THSD4: variants seen among roughly 807,000 people sequenced by gnomAD.
THSD4 encodes thrombospondin type 1 domain containing 4.
A neutral mutation model predicts 119.0 loss-of-function variants in THSD4; 69 were observed. The ratio of observed to expected loss-of-function variants is 0.58; its 90% CI spans 0.48 to 0.71. The LOEUF (loss-of-function observed/expected upper bound fraction) is 0.71. Ranked by LOEUF, THSD4 falls within the 30% of genes least tolerant of loss-of-function variation. The probability of loss-of-function intolerance (pLI) is 0.00; values close to 1 mark genes in which losing one functional copy is unlikely to be tolerated. For missense variants in THSD4, 1,393 were observed against 1,391.1 expected (o/e 1.00, Z -0.02); for synonymous variants, 524 against 540.4 (o/e 0.97, Z 0.42).
chr15:71,682,372 C>T (rs1169053244), intron 8 of THSD4, among the ~76,000 whole-genome samples: 1 of 152,192 alleles, frequency 6.6e-6, no homozygotes, highest in African/African-American at 2.4e-5. Context: ...TGAACACAGT[C>T]ACGTCACTAG....
At chr15:71,438,371 C>T (rs1333795782) in intron 7 of THSD4, among the ~76,000 whole-genome samples, 1 of 151,992 alleles carries the variant, frequency 6.6e-6, no homozygotes, top group African/African-American at 2.4e-5. Flanking sequence ...TTTTAAATGG[C>T]AAATTTAGCA....
intron 4 of THSD4, among the ~76,000 whole-genome samples, chr15:71,229,515 G>A (rs949450664): frequency 1.3e-5 from 2 of 152,128 alleles, no homozygotes; most frequent in African/African-American, 4.8e-5. Context: ...CTGATACAAT[G>A]TAAATACTTT....
intron 7 of THSD4, among the ~76,000 whole-genome samples, chr15:71,413,302 C>T (rs2046715086): frequency 6.6e-6 from 1 of 152,188 alleles, no homozygotes; most frequent in South Asian, 2.1e-4. Flanking sequence ...CGTGAGCCAC[C>T]GCACCCAGCT....
intron 8 of THSD4, among the ~76,000 whole-genome samples, chr15:71,713,923 C>T (rs112193703): frequency 1.6e-4 from 24 of 152,228 alleles, no homozygotes; most frequent in African/African-American, 5.5e-4. Flanking sequence ...AGCTGACTGT[C>T]CAGTTGCCCC....
chr15:71,732,611 GTTC>G (rs1484148926), intron 10 of THSD4: 1 of 152,212 alleles, frequency 6.6e-6, no homozygotes, highest in Non-Finnish European at 1.5e-5. Flanking sequence ...GCGTAGATTA[GTTC>G]TTTGAATTCT....
chr15:71,364,264 T>C (rs889869166), intron 6 of THSD4, among the ~76,000 whole-genome samples: 2 of 152,222 alleles, frequency 1.3e-5, no homozygotes, highest in Non-Finnish European at 2.9e-5. Context: ...CCATCGTTCT[T>C]GCAACACTGG....
intron 7 of THSD4, among the ~76,000 whole-genome samples, chr15:71,496,497 C>T (rs1382721604): frequency 6.6e-6 from 1 of 152,200 alleles, no homozygotes; most frequent in African/African-American, 2.4e-5. Flanking sequence ...TCCAGGTTGC[C>T]TCCAGGCCCA....
In THSD4 at chr15:71,588,260, C is replaced by T. The variant is rs375290679; in HGVS notation, c.1153-72270C>T. The stretch of plus-strand genomic sequence containing the variant: ...GGCGGAGCTTGCAGTGAGCCGAGAT[C>T]GCGCCACTGCACTCCAGCCTGGGCG... On this transcript the variant is annotated intron_variant, in intron 7 of 17. Transcript: ENST00000261862. Among the ~76,000 whole-genome samples, 743 of 145,286 alleles carry T rather than the reference C, an allele frequency of 5.1e-3. 9 individuals are homozygous for T. The highest frequency in any genetic ancestry group is 0.018 in the African/African-American group (706 of 39,298).
chr15:71,571,434 G>C (rs1040786484), intron 7 of THSD4, among the ~76,000 whole-genome samples: 3 of 152,072 alleles, frequency 2.0e-5, no homozygotes, highest in Non-Finnish European at 4.4e-5. Context: ...GAATAAAACA[G>C]AAATGTTTAG....
At chr15:71,547,337 C>A (rs1206314127) in intron 7 of THSD4, 2 of 1,542,888 alleles carry the variant, frequency 1.3e-6, no homozygotes, top group East Asian at 2.5e-5. Context: ...TCCCGAGACA[C>A]AAGTGCATCT....
At chr15:71,377,867 A>AACACACACACACACACACACACAC (rs376497737) in intron 6 of THSD4, among the ~76,000 whole-genome samples, 89 of 86,322 alleles carry the variant, frequency 1.0e-3, no homozygotes, top group African/African-American at 3.6e-3. Context: ...ACATATCCAC[A>AACACACACACACACACACACACAC]ACACACACAC....
At chr15:71,227,890 A>G (rs1368672102) in intron 4 of THSD4, among the ~76,000 whole-genome samples, 2 of 152,098 alleles carry the variant, frequency 1.3e-5, no homozygotes, top group African/African-American at 4.8e-5. Context: ...TTAGGTCCTC[A>G]CTTGCTTGTC....
chr15:71,637,592 A>G (rs753124693), intron 7 of THSD4, among the ~76,000 whole-genome samples: 16 of 152,152 alleles, frequency 1.1e-4, no homozygotes, highest in Admixed American at 4.6e-4. Flanking sequence ...TTAAAGGAAC[A>G]ATGATTATGT....
chr15:71,372,902 C>A (rs896619330), intron 6 of THSD4, among the ~76,000 whole-genome samples: 1 of 152,268 alleles, frequency 6.6e-6, no homozygotes, highest in East Asian at 1.9e-4. Flanking sequence ...AGGCAGGCCT[C>A]CTTGAGCTGC....
At chr15:71,682,854 TA>T in intron 8 of THSD4, among the ~76,000 whole-genome samples, 1 of 135,550 alleles carries the variant, frequency 7.4e-6, no homozygotes, top group Admixed American at 7.3e-5. Context: ...CCTCTTTTGC[TA>T]CTTTCTTTCT....
intron 6 of THSD4, among the ~76,000 whole-genome samples, chr15:71,280,479 T>C (rs2044638405): frequency 6.6e-6 from 1 of 152,218 alleles, no homozygotes; most frequent in African/African-American, 2.4e-5. Context: ...AGTCATGTTT[T>C]CAAATATGTT....
intron 7 of THSD4, among the ~76,000 whole-genome samples, chr15:71,514,241 C>G (rs576269254): frequency 6.0e-4 from 91 of 152,266 alleles, no homozygotes; most frequent in Admixed American, 1.6e-3. Flanking sequence ...GCAGAAGTCA[C>G]TGAGGTCACA....
chr15:71,214,891 A>G (rs1056456710), intron 3 of THSD4, 144 bp from the exon 4 acceptor site: 14 of 1,184,118 alleles, frequency 1.2e-5, no homozygotes, highest in African/African-American at 4.8e-5. Context: ...AACCGACTCT[A>G]AGCCAGGCTG....
chr15:71,735,792 C>T (rs1011411757), intron 10 of THSD4, among the ~76,000 whole-genome samples: 5 of 150,524 alleles, frequency 3.3e-5, no homozygotes, highest in African/African-American at 1.2e-4. Context: ...GTCTCTCCTG[C>T]TCTCTTGCTT....
Sources: gnomAD v4.1 joint callset for allele counts (sites outside exome capture counted in the v4.1 genomes callset) on GRCh38, gnomAD v4.1.1 for gene constraint, MANE v1.5 for transcripts, NCBI Gene and HGNC (gene_info 2026-07-23, HGNC 2026-07-21) for gene names.